TTC28: variants seen among roughly 807,000 people sequenced by gnomAD.
The protein encoded by TTC28 is tetratricopeptide repeat domain 28, also known as tetratricopeptide repeat protein 28.
TTC28 carries 61 observed loss-of-function variants against 198.0 expected under a neutral mutation model. The observed-to-expected ratio is 0.31, with a 90% confidence interval of 0.25 to 0.38. The LOEUF (loss-of-function observed/expected upper bound fraction) is 0.38. Ranked by LOEUF, TTC28 falls within the 10% of genes least tolerant of loss-of-function variation. The pLI is 1.00. For synonymous variants in TTC28, 1,171 were observed against 1,297.8 expected (o/e 0.90, Z 2.10); for missense variants, 2,678 against 3,164.0 (o/e 0.85, Z 3.69).
intron 5 of TTC28, among the ~76,000 whole-genome samples, chr22:28,220,723 T>TCACAGGCAA (rs761173039): frequency 6.6e-6 from 1 of 152,130 alleles, no homozygotes; most frequent in Non-Finnish European, 1.5e-5. Flanking sequence ...GTTCTATTGG[T>TCACAGGCAA]TAGAAGCAAG....
intron 5 of TTC28, among the ~76,000 whole-genome samples, chr22:28,207,755 T>G (rs888953363): frequency 2.0e-5 from 3 of 152,130 alleles, no homozygotes; most frequent in Non-Finnish European, 2.9e-5. Context: ...CAGGGAGGAT[T>G]TGGCCTTGCT....
At chr22:28,663,062 C>G (rs1428473590) in intron 1 of TTC28, among the ~76,000 whole-genome samples, 1 of 151,910 alleles carries the variant, frequency 6.6e-6, no homozygotes, top group Non-Finnish European at 1.5e-5. Flanking sequence ...TCCTGGCTAA[C>G]ACAGTGAAAC....
At chr22:28,053,369 T>C (rs1409469535) in intron 12 of TTC28, among the ~76,000 whole-genome samples, 1 of 152,194 alleles carries the variant, frequency 6.6e-6, no homozygotes, top group African/African-American at 2.4e-5. Flanking sequence ...AGAAATAAAA[T>C]AAGAAAAGTA....
chr22:28,264,520 G>A (rs28401304), intron 5 of TTC28, among the ~76,000 whole-genome samples: 94 of 152,266 alleles, frequency 6.2e-4, no homozygotes, highest in African/African-American at 2.1e-3. Context: ...TCCATTACAG[G>A]CTCTGGGAAG....
At chr22:28,253,637 G>GTA (rs1413067401) in intron 5 of TTC28, among the ~76,000 whole-genome samples, 1 of 152,104 alleles carries the variant, frequency 6.6e-6, no homozygotes, top group Non-Finnish European at 1.5e-5. Flanking sequence ...GTAGGAACAG[G>GTA]TAGAAGATTA....
intron 13 of TTC28, among the ~76,000 whole-genome samples, chr22:28,029,498 T>A (rs1938985197): frequency 6.6e-6 from 1 of 152,184 alleles, no homozygotes; most frequent in Admixed American, 6.5e-5. Context: ...GTCTGTGATA[T>A]CTTTCCAAAG....
intron 2 of TTC28, among the ~76,000 whole-genome samples, chr22:28,354,531 T>C (rs1380204765): frequency 6.6e-6 from 1 of 151,912 alleles, no homozygotes; most frequent in Non-Finnish European, 1.5e-5. Flanking sequence ...GGAGGAAGAA[T>C]GGGGAGTCAG....
intron 5 of TTC28, among the ~76,000 whole-genome samples, chr22:28,164,335 C>A (rs1921621638): frequency 1.3e-5 from 2 of 152,206 alleles, no homozygotes; most frequent in South Asian, 2.1e-4. Flanking sequence ...TGAGAATGGG[C>A]AGACTGCCTC....
chr22:28,593,450 T>C (rs2145160), intron 2 of TTC28, among the ~76,000 whole-genome samples: 2,992 of 148,280 alleles, frequency 0.02, 40 homozygotes, highest in Non-Finnish European at 0.031. Flanking sequence ...GGTAGGTAGA[T>C]AGGTAGATAG....
chr22:28,308,398 C>T (rs924096284), intron 2 of TTC28, among the ~76,000 whole-genome samples: 1 of 152,020 alleles, frequency 6.6e-6, no homozygotes, highest in Admixed American at 6.6e-5. Context: ...TACAAATATG[C>T]CAAATAACTG....
chr22:28,494,808 GAGGAA>G (rs2048429603), intron 2 of TTC28, among the ~76,000 whole-genome samples: 1 of 151,608 alleles, frequency 6.6e-6, no homozygotes, highest in Non-Finnish European at 1.5e-5. Flanking sequence ...GGGAAGGGAA[GAGGAA>G]AGGAAAGAAA....
intron 2 of TTC28, among the ~76,000 whole-genome samples, chr22:28,550,732 T>G (rs1260087952): frequency 6.6e-6 from 1 of 152,146 alleles, no homozygotes; most frequent in African/African-American, 2.4e-5. Context: ...AACATTTGAT[T>G]AGTCTTGACA....
chr22:28,639,210 G>C (rs978032733), intron 1 of TTC28, among the ~76,000 whole-genome samples: 1 of 147,036 alleles, frequency 6.8e-6, no homozygotes, highest in Non-Finnish European at 1.5e-5. Context: ...GCTTTGCAAG[G>C]CATAAATTTT....
intron 5 of TTC28, among the ~76,000 whole-genome samples, chr22:28,204,526 ACT>A (rs1324474183): frequency 2.0e-5 from 3 of 152,000 alleles, no homozygotes; most frequent in African/African-American, 7.2e-5. Flanking sequence ...GCTCCATCTA[ACT>A]CTGAGGCCTA....
At chr22:28,392,538 C>A (rs1019518462) in intron 2 of TTC28, among the ~76,000 whole-genome samples, 9 of 152,228 alleles carry the variant, frequency 5.9e-5, no homozygotes, top group African/African-American at 1.9e-4. Context: ...GGGATATAAT[C>A]TCCTGGTGCG....
chr22:28,646,359 G>C (rs892289460), intron 1 of TTC28, among the ~76,000 whole-genome samples: 5 of 152,164 alleles, frequency 3.3e-5, no homozygotes, highest in African/African-American at 1.2e-4. Context: ...GGAGGTGAAA[G>C]ATCTCTATAA....
chr22:28,377,211 A>C (rs2046425431), intron 2 of TTC28, among the ~76,000 whole-genome samples: 1 of 151,476 alleles, frequency 6.6e-6, no homozygotes, highest in South Asian at 2.1e-4. Context: ...AAAAAAAAAA[A>C]AAAAACCATG....
chr22:28,595,897 C>G (rs2050532482), intron 2 of TTC28, among the ~76,000 whole-genome samples: 1 of 152,144 alleles, frequency 6.6e-6, no homozygotes, highest in South Asian at 2.1e-4. Flanking sequence ...GCACTCCAGC[C>G]TAGCAACAGA....
At chr22:28,086,784 A>G (rs1431601703) in intron 12 of TTC28, among the ~76,000 whole-genome samples, 3 of 152,202 alleles carry the variant, frequency 2.0e-5, no homozygotes, top group African/African-American at 7.2e-5. Context: ...AATAAAGAAA[A>G]GAGAGAAGAA....
Sources: allele counts gnomAD v4.1 joint callset (sites outside exome capture counted in the v4.1 genomes callset), GRCh38; gene constraint gnomAD v4.1.1; transcripts MANE v1.5; gene names NCBI Gene and HGNC (gene_info 2026-07-23, HGNC 2026-07-21).